Variants in CNTN4 observed in about 807,000 individuals in gnomAD.
CNTN4 encodes the protein contactin 4.
CNTN4 carries 77 observed loss-of-function variants against 122.5 expected under a neutral mutation model. The observed-to-expected ratio is 0.63, with a 90% CI of 0.52 to 0.76. The LOEUF is 0.76. Ranked by LOEUF, CNTN4 falls within the 30% of genes least tolerant of loss-of-function variation. The pLI, the probability that CNTN4 is intolerant of heterozygous loss-of-function variation, is 0.00. For missense variants in CNTN4, 1,256 were observed against 1,259.1 expected (o/e 1.00, Z 0.04); for synonymous variants, 512 against 447.0 (o/e 1.15, Z -1.83).
intron 3 of CNTN4, among the ~76,000 whole-genome samples, chr3:2,378,444 G>C (rs2150737843): frequency 6.6e-6 from 1 of 152,276 alleles, no homozygotes; most frequent in East Asian, 1.9e-4. Context: ...CCATGCACAG[G>C]GGACTGGGGA....
At chr3:2,353,024 C>G (rs1045392319) in intron 3 of CNTN4, among the ~76,000 whole-genome samples, 1 of 151,942 alleles carries the variant, frequency 6.6e-6, no homozygotes, top group Non-Finnish European at 1.5e-5. Flanking sequence ...AGCACTCTGT[C>G]TAGCTCAAGG....
intron 12 of CNTN4, among the ~76,000 whole-genome samples, chr3:2,915,632 C>G (rs1373965433): frequency 6.6e-6 from 1 of 152,172 alleles, no homozygotes; most frequent in Non-Finnish European, 1.5e-5. Context: ...CATGATGTTA[C>G]TCATCCACTT....
At chr3:2,782,294 G>GT (rs1173178062) in intron 6 of CNTN4, among the ~76,000 whole-genome samples, 2 of 151,452 alleles carry the variant, frequency 1.3e-5, no homozygotes, top group Admixed American at 6.6e-5. Flanking sequence ...ATGGTAGGTG[G>GT]GGGGGGGCCT....
intron 6 of CNTN4, among the ~76,000 whole-genome samples, chr3:2,752,626 C>G (rs1215462070): frequency 1.3e-5 from 2 of 152,154 alleles, no homozygotes; most frequent in Admixed American, 1.3e-4. Flanking sequence ...GCTGGGATTA[C>G]AGGCGTGAGC....
intron 4 of CNTN4, among the ~76,000 whole-genome samples, chr3:2,644,154 C>T (rs894784237): frequency 6.6e-6 from 1 of 152,082 alleles, no homozygotes; most frequent in African/African-American, 2.4e-5. Context: ...CCTTAAATAA[C>T]CAGGTAGGGA....
chr3:2,169,846 G>C (rs936800535), intron 2 of CNTN4, among the ~76,000 whole-genome samples: 1 of 149,536 alleles, frequency 6.7e-6, no homozygotes, highest in South Asian at 2.1e-4. Context: ...GATTATAGTT[G>C]GTAAAATGAA....
chr3:2,333,091 A>G (rs912539852), intron 2 of CNTN4, among the ~76,000 whole-genome samples: 32 of 152,114 alleles, frequency 2.1e-4, no homozygotes, highest in African/African-American at 7.7e-4. Context: ...TGTTACATCA[A>G]GACAACTTGT....
chr3:2,276,358 G>T (rs967786055), intron 2 of CNTN4, among the ~76,000 whole-genome samples: 4 of 151,968 alleles, frequency 2.6e-5, no homozygotes. Context: ...ATTTTTAGCA[G>T]AGAGAGGGTT....
At chr3:2,574,673 C>G (rs1220358239) in intron 4 of CNTN4, among the ~76,000 whole-genome samples, 1 of 152,052 alleles carries the variant, frequency 6.6e-6, no homozygotes, top group Non-Finnish European at 1.5e-5. Context: ...TAAAACCCTG[C>G]TACCTAAAAA....
At chr3:2,961,675 A>G (rs1443636605) in intron 13 of CNTN4, among the ~76,000 whole-genome samples, 1 of 151,832 alleles carries the variant, frequency 6.6e-6, no homozygotes, top group African/African-American at 2.4e-5. Context: ...TTGAAGTCAC[A>G]CACAACAACA....
intron 2 of CNTN4, among the ~76,000 whole-genome samples, chr3:2,239,452 GTATCCTAT>G (rs1238351613): frequency 2.0e-5 from 3 of 152,166 alleles, no homozygotes; most frequent in African/African-American, 7.2e-5. Flanking sequence ...AAAGGGGATA[GTATCCTAT>G]CCTGCTAGGC....
At chr3:2,286,511 T>C (rs1390413137) in intron 2 of CNTN4, among the ~76,000 whole-genome samples, 1 of 151,982 alleles carries the variant, frequency 6.6e-6, no homozygotes, top group African/African-American at 2.4e-5. Flanking sequence ...AACATAAAAC[T>C]TACAATTTCT....
chr3:2,169,614 G>C (rs1355205535), intron 2 of CNTN4, among the ~76,000 whole-genome samples: 1 of 151,974 alleles, frequency 6.6e-6, no homozygotes, highest in South Asian at 2.1e-4. Context: ...AGCCAGGATG[G>C]TCTCGATCTC....
chr3:2,388,311 A>C (rs572654031), intron 3 of CNTN4, among the ~76,000 whole-genome samples: 10 of 152,310 alleles, frequency 6.6e-5, no homozygotes, highest in African/African-American at 2.2e-4. Flanking sequence ...CTTAAGAAGT[A>C]AGTATATCAG....
chr3:2,992,994 A>T (rs1695189998), intron 14 of CNTN4, among the ~76,000 whole-genome samples: 1 of 151,790 alleles, frequency 6.6e-6, no homozygotes, highest in Non-Finnish European at 1.5e-5. Context: ...ACCCCAATTG[A>T]TCCTTATACA....
At chr3:2,726,214 T>C (rs1301581510) in intron 4 of CNTN4, among the ~76,000 whole-genome samples, 3 of 152,242 alleles carry the variant, frequency 2.0e-5, no homozygotes, top group African/African-American at 7.2e-5. Context: ...AAAAGGGTTT[T>C]TTCCTTGTAG....
rs986240251 is a variant in CNTN4 at position 2,661,765 on chromosome 3, C to T, written c.56-74450C>T. 1.3e-4 allele frequency among the ~76,000 whole-genome samples: 18 copies of T among 137,338 alleles called. No individual in the cohort carries two copies. In the East Asian group the frequency reaches 2.1e-3, roughly 16 times the overall value. 90.1% of individuals were successfully genotyped at this position (137,338 alleles called of 152,430 possible). On this transcript the variant is annotated intron_variant, in intron 4 of 24. Coordinates refer to ENST00000418658, the MANE Select transcript of CNTN4 (RefSeq NM_175607.3). The stretch of plus-strand genomic sequence containing the variant: ...AGGCAGAGGTTGCGGTGAACCGAGA[C>T]GCCATTGCACTGCAGCCTGGGCAAC...
intron 14 of CNTN4, among the ~76,000 whole-genome samples, chr3:3,005,228 T>C (rs1696501595): frequency 1.3e-5 from 2 of 152,232 alleles, no homozygotes; most frequent in Non-Finnish European, 2.9e-5. Context: ...ACATCCTTTG[T>C]ATTCTCTTCA....
chr3:2,337,897 A>G (rs1313114728), intron 2 of CNTN4, among the ~76,000 whole-genome samples: 1 of 152,120 alleles, frequency 6.6e-6, no homozygotes, highest in Non-Finnish European at 1.5e-5. Context: ...AGCTGTAAAT[A>G]GAGCTTTAGT....
Sources: allele counts gnomAD v4.1 joint callset (sites outside exome capture counted in the v4.1 genomes callset), GRCh38; gene constraint gnomAD v4.1.1; transcripts MANE v1.5; gene names NCBI Gene and HGNC (gene_info 2026-07-23, HGNC 2026-07-21).